PRKX: variants seen among roughly 807,000 people sequenced by gnomAD.
PRKX encodes the protein cAMP-dependent protein kinase catalytic subunit PRKX.
PRKX carries 12 observed loss-of-function variants against 22.0 expected under a neutral mutation model. The observed-to-expected ratio is 0.54, with a 90% CI of 0.35 to 0.88. The LOEUF (loss-of-function observed/expected upper bound fraction) is 0.88. Ranked by LOEUF, PRKX falls within the 40% of genes least tolerant of loss-of-function variation. The pLI, the probability that PRKX is intolerant of heterozygous loss-of-function variation, is 0.01. For missense variants in PRKX, 217 were observed against 308.0 expected (o/e 0.70, Z 2.21); for synonymous variants, 134 against 137.7 (o/e 0.97, Z 0.19).
intron 1 of PRKX, among the ~76,000 whole-genome samples, chrX:3,678,957 G>T (rs1230384212): frequency 8.9e-6 from 1 of 111,798 alleles, no homozygotes; most frequent in Non-Finnish European, 1.9e-5. Context: ...TGATAAGGGA[G>T]ATCTTGAAGG....
intron 8 of PRKX, among the ~76,000 whole-genome samples, chrX:3,610,733 G>T (rs763943590): frequency 9.0e-6 from 1 of 110,911 alleles, no homozygotes. Context: ...TGTTCTTTAA[G>T]TAAATTTTAC....
In PRKX at chrX:3,653,652, TATATA is replaced by T. The variant is rs1475725096; in HGVS notation, c.599+1492_599+1496del. ...AATATACTATGTAATATATATATTA[TATATA>T]ATATACTATGTGATATATATAATAT... On this transcript the variant is annotated intron_variant, in intron 3 of 8. Coordinates refer to ENST00000262848, the MANE Select transcript of PRKX (RefSeq NM_005044.5). Among the ~76,000 whole-genome samples the T allele has an allele frequency of 2.5e-4, 18 of 72,653 alleles. 1 individual carries two copies. The highest frequency in any genetic ancestry group is 7.5e-4 in the African/African-American group (15 of 20,048). 63.1% of individuals were successfully genotyped at this position (72,653 alleles called of 115,157 possible). A position where few individuals can be genotyped will look rare whatever the true frequency, so the allele number is the denominator to read the frequency against.
chrX:3,704,343 A>G (rs774572910), intron 1 of PRKX, among the ~76,000 whole-genome samples: 2 of 112,159 alleles, frequency 1.8e-5, no homozygotes, highest in South Asian at 3.7e-4. Flanking sequence ...CTCCAGTAGG[A>G]TACAAGATTT....
At position 3,683,716 on chromosome X, in the gene PRKX, G is replaced by A. The variant is rs184744213; in HGVS notation, c.167-8950C>T. ...TACCCAGGTGTGGTGGTGCACAGCC[G>A]TCGTCCCAACTACTTGGGAGGCTGA... is the stretch of plus-strand genomic sequence containing the variant. On this transcript the variant is annotated intron_variant, in intron 1 of 8. Transcript: ENST00000262848. Among the ~76,000 whole-genome samples the A allele has an allele frequency of 5.2e-3, 581 of 111,177 alleles. 3 individuals carry two copies. Among genetic ancestry groups the A allele is most frequent in the African/African-American group, 0.018 (541 of 30,582 alleles).
At chrX:3,636,809 A>G (rs1348252123) in intron 4 of PRKX, among the ~76,000 whole-genome samples, 10 of 111,274 alleles carry the variant, frequency 9.0e-5, no homozygotes, top group African/African-American at 3.3e-4. Context: ...GCAGTGAACC[A>G]AGATTTGCGC....
chrX:3,675,796 G>A (rs563573314), intron 1 of PRKX, among the ~76,000 whole-genome samples: 6 of 111,288 alleles, frequency 5.4e-5, no homozygotes, highest in South Asian at 3.7e-4. Context: ...TATTCTTCAC[G>A]TAGCATAAAT....
At chrX:3,641,286 T>C (rs1927073445) in intron 4 of PRKX, among the ~76,000 whole-genome samples, 1 of 111,633 alleles carries the variant, frequency 9.0e-6, no homozygotes, top group African/African-American at 3.3e-5. Flanking sequence ...GGAAAGAACA[T>C]ATTCTCGCCT....
intron 4 of PRKX, among the ~76,000 whole-genome samples, chrX:3,639,954 C>A (rs1271474414): frequency 9.0e-6 from 1 of 111,358 alleles, no homozygotes; most frequent in Non-Finnish European, 1.9e-5. Context: ...GCTCGGTGCT[C>A]CCCACCAGCA....
intron 2 of PRKX, among the ~76,000 whole-genome samples, chrX:3,658,547 C>T (rs193140832): frequency 1.8e-5 from 2 of 111,086 alleles, no homozygotes; most frequent in East Asian, 2.8e-4. Context: ...CTCATCCTCC[C>T]GAAGTGCTGG....
intron 2 of PRKX, among the ~76,000 whole-genome samples, chrX:3,666,019 T>TG (rs1378228754): frequency 1.8e-5 from 2 of 108,884 alleles, no homozygotes; most frequent in African/African-American, 3.4e-5. Context: ...TTTTCTGTTT[T>TG]TTTTTTTTTG....
At chrX:3,686,718 C>T (rs1296062704) in intron 1 of PRKX, among the ~76,000 whole-genome samples, 2 of 110,152 alleles carry the variant, frequency 1.8e-5, no homozygotes, top group East Asian at 2.9e-4. Flanking sequence ...CCACTACGCC[C>T]GACTAATTCT....
rs766697561 is a variant in PRKX, at chrX:3,688,111, C to T, written c.167-13345G>A. On this transcript the variant is annotated intron_variant, in intron 1 of 8. Transcript: ENST00000262848. ...TCACACCACTGCACTCCAGCCTGGG[C>T]GACAGAGCAAGACTCTGTCTCAAAA... Among the ~76,000 whole-genome samples, 24 of 110,469 alleles carry T rather than the reference C, an allele frequency of 2.2e-4. No homozygotes were observed. In the South Asian group the frequency reaches 3.1e-3, roughly 14 times the overall value.
At chrX:3,685,738 T>TAA (rs1397276237) in intron 1 of PRKX, among the ~76,000 whole-genome samples, 1 of 102,295 alleles carries the variant, frequency 9.8e-6, no homozygotes, top group Admixed American at 1.1e-4. Context: ...AAGAGGAATT[T>TAA]AAAAAAAAAA....
intron 7 of PRKX, among the ~76,000 whole-genome samples, chrX:3,615,054 T>C (rs62583661): frequency 0.34 from 31,109 of 90,445 alleles, 5,687 homozygotes; most frequent in African/African-American, 0.58. Flanking sequence ...GGTCTGGCTC[T>C]GTCGCCCAGG....
intron 1 of PRKX, among the ~76,000 whole-genome samples, chrX:3,699,022 C>T (rs1217723000): frequency 9.7e-6 from 1 of 103,388 alleles, no homozygotes; most frequent in Non-Finnish European, 2.0e-5. Context: ...TGTGCCACCA[C>T]GCCCAGCTAA....
intron 8 of PRKX, chrX:3,610,830 C>T (rs933363868): frequency 1.8e-5 from 2 of 111,492 alleles, no homozygotes; most frequent in African/African-American, 6.5e-5. Context: ...CAAGTCTTTA[C>T]ATCATTTTAA....
At chrX:3,672,967 C>A (rs1927877248) in intron 2 of PRKX, among the ~76,000 whole-genome samples, 1 of 110,927 alleles carries the variant, frequency 9.0e-6, no homozygotes, top group South Asian at 3.8e-4. Context: ...CCAGCCTGGG[C>A]AAGAAGGAGT....
intron 1 of PRKX, among the ~76,000 whole-genome samples, chrX:3,700,409 C>G (rs767330610): frequency 8.9e-6 from 1 of 112,130 alleles, no homozygotes. Flanking sequence ...AAAATAAAAT[C>G]CTAACCTATT....
At chrX:3,629,939 C>G (rs1053603267) in intron 4 of PRKX, among the ~76,000 whole-genome samples, 1 of 111,815 alleles carries the variant, frequency 8.9e-6, no homozygotes, top group African/African-American at 3.3e-5. Flanking sequence ...AAGCTCTTTG[C>G]CCCAAGAAAA....
Sources: gnomAD v4.1 joint callset for allele counts (sites outside exome capture counted in the v4.1 genomes callset) on GRCh38, gnomAD v4.1.1 for gene constraint, MANE v1.5 for transcripts, NCBI Gene and HGNC (gene_info 2026-07-23, HGNC 2026-07-21) for gene names.